The following SLC12A3 variants were observed in gnomAD, a reference collection of about 807,000 sequenced individuals.
SLC12A3 encodes the protein Na-Cl cotransporter.
Under a neutral mutation model 121.0 loss-of-function variants are expected in SLC12A3, and 104 were observed. That is an observed-to-expected ratio of 0.86 (90% CI 0.73 to 1.01). The LOEUF is 1.01. SLC12A3 is among the 50% of genes least tolerant of loss of function. The pLI, the probability that SLC12A3 is intolerant of heterozygous loss-of-function variation, is 0.00. For synonymous variants in SLC12A3, 536 were observed against 533.4 expected, an observed-to-expected ratio of 1.00 and a Z score of -0.07; for missense variants, 1,328 against 1,356.3, an observed-to-expected ratio of 0.98 and a Z score of 0.33.
rs536552339 is a variant in SLC12A3, at chr16:56,898,593, AG to A, written c.2634-936del. On this transcript the variant is annotated intron_variant, in intron 22 of 25. Transcript: ENST00000563236. ...TTTTGAAGGCTTCTTGGGTAATGTT[AG>A]TGTAGACCCTCCCCTGCCCCACCCG... 4.9e-4 allele frequency among the ~76,000 whole-genome samples: 75 copies of A among 152,124 alleles called. 1 individual carries two copies. The South Asian group carries it at 0.015, about 31-fold the overall frequency.
chr16:56,865,419 G>T lies in SLC12A3; in HGVS notation c.184G>T (p.Asp62Tyr). ...CMRTFGYNTI[D>Y]VVPTYEHYAN... ...GCGCACCTTTGGCTACAACACGATCGATGTGGTGCCCACATATGAGCACTA... is the reference window on the plus strand; with the variant it reads ...GCGCACCTTTGGCTACAACACGATCTATGTGGTGCCCACATATGAGCACTA... Residue 62 changes from aspartate to tyrosine, a missense_variant, in exon 1 of 26, where the codon GAT becomes TAT. Transcript: ENST00000563236. The T allele has an allele frequency of 1.9e-6, 3 of 1,614,194 alleles. No homozygotes were observed. The highest frequency in any genetic ancestry group is 2.5e-6 in the Non-Finnish European group (3 of 1,180,042).
At chr16:56,878,241 A>G (rs926128122) in intron 9 of SLC12A3, 80 bp downstream of exon 9, 38 of 1,062,408 alleles carry the variant, frequency 3.6e-5, no homozygotes, top group Non-Finnish European at 5.2e-5. Context: ...TGACCACTGG[A>G]GGGGATCAGA....
chr16:56,888,110 G>A, intron 18 of SLC12A3, 79 bp downstream of exon 18: 1 of 1,080,094 alleles, frequency 9.3e-7, no homozygotes, highest in East Asian at 2.6e-5. Context: ...AAGAAGTAGT[G>A]GGTGCTTAAA....
In SLC12A3 at chr16:56,866,947, C is replaced by T. The variant is rs1043661203; in HGVS notation, c.283-123C>T. 345 of 1,305,946 alleles carry T rather than the reference C, an allele frequency of 2.6e-4. 2 individuals carry two copies. The highest frequency in any genetic ancestry group is 7.3e-5 in the Non-Finnish European group (67 of 922,950). 80.9% of individuals were successfully genotyped at this position (1,305,946 alleles called of 1,614,324 possible). A position where few individuals can be genotyped will look rare whatever the true frequency, so the allele number is the denominator to read the frequency against. On this transcript the variant is annotated intron_variant, in intron 1 of 25. Coordinates refer to ENST00000563236, the MANE Select transcript of SLC12A3 (RefSeq NM_001126108.2). ...AAAGCCCCTCAAGCAGCTCAACACCCAGTGGGCTGAGGGGTCGGGGGGTGC... is the reference window on the plus strand; with the variant it reads ...AAAGCCCCTCAAGCAGCTCAACACCTAGTGGGCTGAGGGGTCGGGGGGTGC...
chr16:56,885,584 C>T (rs1420362831), intron 15 of SLC12A3, among the ~76,000 whole-genome samples: 3 of 152,096 alleles, frequency 2.0e-5, no homozygotes, highest in Non-Finnish European at 2.9e-5. Context: ...CCTCTCCATG[C>T]CTTGGTTTCC....
chr16:56,884,207 G>A lies in SLC12A3; in HGVS notation c.1825+3G>A, dbSNP rs372892467. The A allele has an allele frequency of 7.4e-6, 12 of 1,614,004 alleles. No homozygotes were observed. The highest frequency in any genetic ancestry group is 9.3e-6 in the Non-Finnish European group (11 of 1,179,948). ...CTATGTCATCTACAAGAAGCCAGGT[G>A]CGCATCTCAGCTGCGGGGCCTCGGC... On this transcript the variant is annotated splice_donor_region_variant and intron_variant, in intron 14 of 25. Transcript: ENST00000563236.
Position 56,890,326 on chromosome 16 carries a change from C to T in SLC12A3, c.2338C>T (p.Leu780Phe). 6.2e-7 allele frequency: 1 copy of T among 1,614,138 alleles called. No homozygotes were observed. The highest frequency in any genetic ancestry group is 2.2e-5 in the East Asian group (1 of 44,886). ...GTGTGTCATGAGGATGCGGGAGGGA[C>T]TCAACGTGTCCAAGATGATGCAGGC... ...GVCVMRMREG[L>F]NVSKMMQAHI... The change falls in exon 19 of 26, where the codon CTC becomes TTC. Residue 780 changes from leucine (L) to phenylalanine (F), a missense_variant. Coordinates refer to ENST00000563236, the MANE Select transcript of SLC12A3 (RefSeq NM_001126108.2).
chr16:56,880,333 C>A, intron 12 of SLC12A3, 80 bp downstream of exon 12: 1 of 1,495,132 alleles, frequency 6.7e-7, no homozygotes, highest in Non-Finnish European at 9.0e-7. Flanking sequence ...CCGGGCTCTT[C>A]TCCTGTCTCC....
chr16:56,874,959 C>G (rs1294804614), intron 8 of SLC12A3, among the ~76,000 whole-genome samples: 1 of 152,166 alleles, frequency 6.6e-6, no homozygotes, highest in Non-Finnish European at 1.5e-5. Context: ...TGGGGAATGG[C>G]CAGCAGAGGC....
intron 23 of SLC12A3, among the ~76,000 whole-genome samples, chr16:56,902,042 G>A (rs1028304429): frequency 2.0e-5 from 3 of 152,158 alleles, no homozygotes; most frequent in African/African-American, 4.8e-5. Flanking sequence ...TTATCACCGT[G>A]GCTCTGTGAG....
rs146854174 is a variant in SLC12A3, at chr16:56,867,209, G to C, written c.422G>C (p.Gly141Ala). ...CCAGTGCGCTTCGGCTGGGTCAAGG[G>C]GGTGATGGTGAGTGGGGTGTGGGTG... Reference protein sequence around the residue: ...EEPVRFGWVKGVMIRCMLNIW... With the variant: ...EEPVRFGWVKAVMIRCMLNIW... The change falls in exon 2 of 26, where the codon GGG becomes GCG. Residue 141 changes from glycine to alanine, a missense_variant. Gly to Ala is a moderately conservative substitution (Grantham distance 60, BLOSUM62 0). Transcript: ENST00000563236. The C allele has an allele frequency of 4.1e-5, 66 of 1,609,444 alleles. No individual in the cohort carries two copies. Among genetic ancestry groups the C allele is most frequent in the Non-Finnish European group, 5.0e-5 (59 of 1,178,428 alleles).
rs778585043 is a variant in SLC12A3, at chr16:56,872,740, C to T, written c.1049C>T (p.Ser350Leu). The change falls in exon 8 of 26, where the codon TCG (serine) becomes TTG (leucine). Residue 350 changes from serine to leucine, a missense_variant. Transcript: ENST00000563236. ...FFGMFSIFFP[S>L]ATGILAGANI... ...GGAATGTTCTCCATCTTCTTCCCCT[C>T]GGCCACAGGCATCCTGGCAGGGGCC... is the stretch of plus-strand genomic sequence containing the variant. 14 of 1,614,114 alleles carry T rather than the reference C, an allele frequency of 8.7e-6. No homozygotes were observed. The highest frequency in any genetic ancestry group is 3.3e-5 in the Admixed American group (2 of 60,014).
intron 10 of SLC12A3, 53 bp downstream of exon 10, chr16:56,879,280 G>A: frequency 6.2e-7 from 1 of 1,607,884 alleles, no homozygotes; most frequent in Non-Finnish European, 8.5e-7. Flanking sequence ...GGTGGAGGCT[G>A]CAGGGCCCCT....
chr16:56,902,075 G>A, intron 23 of SLC12A3: 1 of 434,528 alleles, frequency 2.3e-6, no homozygotes, highest in Non-Finnish European at 4.3e-6. Context: ...AATCTGATTT[G>A]TTCACTGTTG....
chr16:56,892,263 C>A, intron 20 of SLC12A3, 130 bp downstream of exon 20: 1 of 831,958 alleles, frequency 1.2e-6, no homozygotes, highest in Non-Finnish European at 2.1e-6. Context: ...TTTCTTGTGA[C>A]GGTGGTGCCT....
chr16:56,902,187 T>G (rs979327067), intron 23 of SLC12A3, 186 bp from the exon 24 acceptor site: 10 of 692,602 alleles, frequency 1.4e-5, no homozygotes, highest in Non-Finnish European at 2.4e-5. Flanking sequence ...AAAGTTCAGT[T>G]GGATGCCAGA....
chr16:56,890,859 G>A (rs1369777298), intron 19 of SLC12A3, among the ~76,000 whole-genome samples: 1 of 149,022 alleles, frequency 6.7e-6, no homozygotes, highest in Non-Finnish European at 1.5e-5. Context: ...CCAAGATCGC[G>A]CCATTGCACT....
chr16:56,880,118 C>T lies in SLC12A3; in HGVS notation c.1444-12C>T. 3 of 1,602,372 alleles carry T rather than the reference C, an allele frequency of 1.9e-6. No individual in the cohort carries two copies. The highest frequency in any genetic ancestry group is 1.1e-5 in the South Asian group (1 of 88,484). The stretch of plus-strand genomic sequence containing the variant: ...CCCAGCCTAAGGGTGAGTGCGGCAT[C>T]TGGTGCTGCAGTGCCTTTGCGAGGA... On this transcript the variant is annotated splice_polypyrimidine_tract_variant and intron_variant, in intron 11 of 25. Transcript: ENST00000563236.
intron 14 of SLC12A3, 105 bp from the exon 15 acceptor site, chr16:56,885,153 GGGTGCCC>G: frequency 2.7e-6 from 2 of 754,270 alleles, no homozygotes; most frequent in Non-Finnish European, 4.7e-6. Context: ...CTGCTCCCAC[GGGTGCCC>G]GGTGCCTAGA....
Sources: allele counts gnomAD v4.1 joint callset (sites outside exome capture counted in the v4.1 genomes callset), GRCh38; gene constraint gnomAD v4.1.1; transcripts MANE v1.5; gene names NCBI Gene and HGNC (gene_info 2026-07-23, HGNC 2026-07-21).